Variants in CRPPA observed in about 807,000 individuals in gnomAD.
CRPPA encodes the protein CDP-L-ribitol pyrophosphorylase A.
In CRPPA, 43 loss-of-function variants were observed where a neutral mutation model predicts 52.0. The ratio of observed to expected loss-of-function variants is 0.83; its 90% CI spans 0.65 to 1.07. The LOEUF is 1.07. Among genes scored for constraint, CRPPA ranks in the 50% least tolerant of loss-of-function variants. CRPPA has a pLI of 0.00. For synonymous variants in CRPPA, 250 were observed against 203.5 expected (o/e 1.23, Z -1.94); for missense variants, 629 against 551.7 (o/e 1.14, Z -1.40).
intron 9 of CRPPA, among the ~76,000 whole-genome samples, chr7:16,156,801 G>A (rs1443683438): frequency 1.3e-5 from 2 of 152,074 alleles, no homozygotes; most frequent in Admixed American, 6.6e-5. Context: ...TGAAAGCTGT[G>A]GATGTTGTTG....
chr7:16,397,559 T>G (rs1165492985), intron 2 of CRPPA, among the ~76,000 whole-genome samples: 1 of 151,550 alleles, frequency 6.6e-6, no homozygotes, highest in African/African-American at 2.4e-5. Flanking sequence ...AAATGTGATG[T>G]GACCAATTTG....
chr7:16,286,004 G>T, intron 5 of CRPPA, among the ~76,000 whole-genome samples: 1 of 85,570 alleles, frequency 1.2e-5, no homozygotes, highest in Non-Finnish European at 2.2e-5. Flanking sequence ...TAGGCAGTAA[G>T]AGTGAAACTC....
At chr7:16,156,694 G>A (rs554481378) in intron 9 of CRPPA, among the ~76,000 whole-genome samples, 1 of 152,276 alleles carries the variant, frequency 6.6e-6, no homozygotes, top group South Asian at 2.1e-4. Flanking sequence ...TCAAAATACA[G>A]AGGTTTCATG....
At chr7:16,156,900 A>T (rs1160093837) in intron 9 of CRPPA, among the ~76,000 whole-genome samples, 1 of 152,186 alleles carries the variant, frequency 6.6e-6, no homozygotes, top group South Asian at 2.1e-4. Context: ...AACCCCAGGA[A>T]ATTTTTGATT....
chr7:16,098,885 G>A (rs1194057073), intron 9 of CRPPA, among the ~76,000 whole-genome samples: 3 of 152,116 alleles, frequency 2.0e-5, no homozygotes, highest in East Asian at 1.9e-4. Flanking sequence ...AGCCTCCTCC[G>A]AATGAGAAAC....
intron 3 of CRPPA, among the ~76,000 whole-genome samples, chr7:16,353,642 G>A (rs1158738600): frequency 6.6e-6 from 1 of 152,150 alleles, no homozygotes; most frequent in Admixed American, 6.5e-5. Context: ...CTGAGGTCAG[G>A]AGTTTGAGAC....
chr7:16,387,086 T>TATATATATATATAC (rs1214967656), intron 2 of CRPPA, among the ~76,000 whole-genome samples: 2 of 55,810 alleles, frequency 3.6e-5, no homozygotes, highest in African/African-American at 1.1e-4. Context: ...TATATATATA[T>TATATATATATATAC]ACACACATAT....
chr7:16,331,847 G>C (rs761646286), intron 3 of CRPPA, among the ~76,000 whole-genome samples: 1 of 152,044 alleles, frequency 6.6e-6, no homozygotes, highest in Non-Finnish European at 1.5e-5. Flanking sequence ...GAATAATTAA[G>C]AGCTATAAAA....
In CRPPA at chr7:16,286,065, ATATAT is replaced by A. The variant is rs1784433456; in HGVS notation, c.836-7844_836-7840del. Among the ~76,000 whole-genome samples the A allele has an allele frequency of 8.5e-5, 3 of 35,130 alleles. 1 individual carries two copies. The highest frequency in any genetic ancestry group is 1.5e-4 in the Non-Finnish European group (3 of 19,800). The allele number at this position is 35,130 out of a possible 152,430, so 23.0% of individuals were successfully genotyped here. On this transcript the variant is annotated intron_variant, in intron 5 of 9. Coordinates refer to ENST00000407010, the MANE Select transcript of CRPPA (RefSeq NM_001101426.4). ...TATAAATATATATATATATATATATATATATATATATATATAATATTTAAAAAAAA... is the reference window on the plus strand; with the variant it reads ...TATAAATATATATATATATATATATAATATATATATAATATTTAAAAAAAA...
intron 9 of CRPPA, among the ~76,000 whole-genome samples, chr7:16,096,122 A>G (rs774955660): frequency 1.3e-5 from 2 of 152,198 alleles, no homozygotes; most frequent in South Asian, 2.1e-4. Flanking sequence ...CAACGTCCAC[A>G]GGATCAAATT....
intron 9 of CRPPA, among the ~76,000 whole-genome samples, chr7:16,155,902 AG>A (rs558299412): frequency 1.8e-3 from 270 of 152,258 alleles, no homozygotes; most frequent in African/African-American, 5.8e-3. Context: ...ATAACAAACA[AG>A]GGTTCCTTAA....
intron 8 of CRPPA, among the ~76,000 whole-genome samples, chr7:16,231,522 A>C (rs61017342): frequency 6.6e-6 from 1 of 152,154 alleles, no homozygotes; most frequent in African/African-American, 2.4e-5. Context: ...TAATTTACAC[A>C]TCCATACTGC....
At chr7:16,401,085 G>GC (rs1787806846) in intron 2 of CRPPA, among the ~76,000 whole-genome samples, 1 of 152,112 alleles carries the variant, frequency 6.6e-6, no homozygotes, top group Non-Finnish European at 1.5e-5. Context: ...TCAATCTTCA[G>GC]CCCCTTTCCT....
At chr7:16,393,789 G>T (rs544735617) in intron 2 of CRPPA, among the ~76,000 whole-genome samples, 20 of 151,926 alleles carry the variant, frequency 1.3e-4, no homozygotes, top group African/African-American at 3.9e-4. Flanking sequence ...CCGGATGAAA[G>T]AAAATAGTTA....
chr7:16,315,366 T>A (rs552598771), intron 3 of CRPPA, among the ~76,000 whole-genome samples: 1 of 152,274 alleles, frequency 6.6e-6, no homozygotes, highest in Admixed American at 6.5e-5. Flanking sequence ...TGGGTCTGGT[T>A]CTTATGCTCA....
chr7:16,155,196 C>G (rs1340555494), intron 9 of CRPPA, among the ~76,000 whole-genome samples: 1 of 151,950 alleles, frequency 6.6e-6, no homozygotes, highest in African/African-American at 2.4e-5. Flanking sequence ...TTCCTTTTAC[C>G]ACAGCTGTGG....
In CRPPA at chr7:16,090,460, T is replaced by C. The variant is rs146512999; in HGVS notation, c.*1235A>G. 3 of 150,348 alleles carry C rather than the reference T, an allele frequency of 2.0e-5. No individual in the cohort carries two copies. The East Asian group carries it at 5.9e-4, about 30-fold the overall frequency. The allele number at this position is 150,348 out of a possible 1,614,324, so 9.3% of individuals were successfully genotyped here. ...GGCTCACACCTATAATCCCAGCATT[T>C]TGGGAGGCCGAGGCAGGCAGATCAC... On this transcript the variant is annotated 3_prime_UTR_variant, in exon 10 of 10. Transcript: ENST00000407010.
At chr7:16,171,852 A>G (rs371178855) in intron 9 of CRPPA, among the ~76,000 whole-genome samples, 3 of 152,286 alleles carry the variant, frequency 2.0e-5, no homozygotes, top group East Asian at 3.9e-4. Flanking sequence ...CTGCACATTG[A>G]CACTTCCAGT....
intron 3 of CRPPA, among the ~76,000 whole-genome samples, chr7:16,318,252 T>C (rs889002340): frequency 6.6e-6 from 1 of 152,162 alleles, no homozygotes; most frequent in East Asian, 1.9e-4. Flanking sequence ...AACTCTCTTG[T>C]CCATCCATTA....
Sources: allele counts gnomAD v4.1 joint callset (sites outside exome capture counted in the v4.1 genomes callset), GRCh38; gene constraint gnomAD v4.1.1; transcripts MANE v1.5; gene names NCBI Gene and HGNC (gene_info 2026-07-23, HGNC 2026-07-21).